Variants in BCL2A1 observed in about 807,000 individuals in gnomAD.
BCL2A1 encodes bcl-2-related protein A1.
BCL2A1 carries 10 observed loss-of-function variants against 14.4 expected under a neutral mutation model. That is an observed-to-expected ratio of 0.69 (90% CI 0.43 to 1.18). The LOEUF (loss-of-function observed/expected upper bound fraction) is 1.18. Among genes scored for constraint, BCL2A1 ranks in the 50% most tolerant of loss-of-function variants. The pLI, the probability that BCL2A1 is intolerant of heterozygous loss-of-function variation, is 0.00. For synonymous variants in BCL2A1, 71 were observed against 76.5 expected (o/e 0.93, Z 0.38); for missense variants, 158 against 205.0 (o/e 0.77, Z 1.40).
intron 1 of BCL2A1, among the ~76,000 whole-genome samples, chr15:79,970,496 G>A (rs961236228): frequency 6.6e-6 from 1 of 152,150 alleles, no homozygotes; most frequent in African/African-American, 2.4e-5. Flanking sequence ...GAAAACATAA[G>A]TGCTTTCCAA....
chr15:79,962,751 T>C (rs2035502982), intron 1 of BCL2A1, among the ~76,000 whole-genome samples: 1 of 152,082 alleles, frequency 6.6e-6, no homozygotes, highest in Non-Finnish European at 1.5e-5. Flanking sequence ...TTTCACTATG[T>C]TGGCCAGGCT....
chr15:79,962,903 A>G (rs1027482245), intron 1 of BCL2A1, among the ~76,000 whole-genome samples: 1 of 152,076 alleles, frequency 6.6e-6, no homozygotes, highest in Non-Finnish European at 1.5e-5. Flanking sequence ...GTCATAATGT[A>G]TCACCTTATA....
At chr15:79,965,839 A>G (rs2035536132) in intron 1 of BCL2A1, among the ~76,000 whole-genome samples, 1 of 152,086 alleles carries the variant, frequency 6.6e-6, no homozygotes, top group South Asian at 2.1e-4. Context: ...AGATCTTTAT[A>G]CCTTTTGGAA....
chr15:79,961,259 A>T, intron 1 of BCL2A1, 85 bp from the exon 2 acceptor site: 3 of 1,272,650 alleles, frequency 2.4e-6, no homozygotes, highest in Non-Finnish European at 3.3e-6. Context: ...TCATTTAAAT[A>T]GTGCAAATAG....
intron 1 of BCL2A1, among the ~76,000 whole-genome samples, chr15:79,964,933 G>C (rs1320553240): frequency 6.6e-6 from 1 of 152,170 alleles, no homozygotes; most frequent in Admixed American, 6.5e-5. Context: ...AGGGTGGAAT[G>C]TGCTTAGCTT....
At chr15:79,962,709 G>A (rs547080120) in intron 1 of BCL2A1, among the ~76,000 whole-genome samples, 7 of 151,506 alleles carry the variant, frequency 4.6e-5, no homozygotes, top group African/African-American at 7.3e-5. Flanking sequence ...CACCATGCCC[G>A]GCTAATTTTT....
chr15:79,969,207 C>A (rs1394035944), intron 1 of BCL2A1, among the ~76,000 whole-genome samples: 4 of 152,104 alleles, frequency 2.6e-5, no homozygotes, highest in Non-Finnish European at 4.4e-5. Flanking sequence ...TGAATTGCAG[C>A]AACCTACTGT....
intron 1 of BCL2A1, among the ~76,000 whole-genome samples, chr15:79,963,522 T>C (rs1396129584): frequency 6.6e-6 from 1 of 152,242 alleles, no homozygotes; most frequent in East Asian, 1.9e-4. Context: ...TTTTTAGACC[T>C]ATTAAATTGG....
chr15:79,965,961 A>G (rs1052379915), intron 1 of BCL2A1, among the ~76,000 whole-genome samples: 4 of 132,286 alleles, frequency 3.0e-5, no homozygotes, highest in African/African-American at 1.3e-4. Context: ...GATGACAAAG[A>G]AAAAAAAAAA....
At chr15:79,962,621 C>A (rs1353198561) in intron 1 of BCL2A1, among the ~76,000 whole-genome samples, 2 of 150,054 alleles carry the variant, frequency 1.3e-5, no homozygotes, top group Non-Finnish European at 3.0e-5. Flanking sequence ...GATCTCAGCT[C>A]ACTGCAGCCT....
intron 1 of BCL2A1, among the ~76,000 whole-genome samples, chr15:79,966,542 TAAG>T (rs1396442450): frequency 6.6e-6 from 1 of 152,156 alleles, no homozygotes; most frequent in African/African-American, 2.4e-5. Context: ...GGGGAGGAAG[TAAG>T]AAGACCCATC....
In BCL2A1 at chr15:79,965,252, C is replaced by T. The variant is rs568420283; in HGVS notation, c.421-4078G>A. On this transcript the variant is annotated intron_variant, in intron 1 of 1. Coordinates refer to ENST00000267953, the MANE Select transcript of BCL2A1 (RefSeq NM_004049.4). ...AAGCAATTCTCCTGCCTCAGCCTAC[C>T]AAGTAGCTGGGATTACAGGCATGCG... 5.9e-5 allele frequency among the ~76,000 whole-genome samples: 9 copies of T among 152,280 alleles called. No individual in the cohort carries two copies. The South Asian group carries it at 1.9e-3, about 32-fold the overall frequency.
Position 79,970,795 on chromosome 15 carries a change from C to G in BCL2A1, c.325G>C (p.Ala109Pro). The change falls in exon 1 of 2, where the codon GCC becomes CCC. Residue 109 changes from alanine (A) to proline (P), a missense_variant. By Grantham distance (27) the Ala-to-Pro change is conservative. Coordinates refer to ENST00000267953, the MANE Select transcript of BCL2A1 (RefSeq NM_004049.4). ...LIKKLLRQQI[A>P]PDVDTYKEIS... is the part of the protein sequence containing the mutation. The stretch of plus-strand genomic sequence containing the variant: ...TCCTTATAGGTATCCACATCCGGGG[C>G]AATTTGCTGTCGTAGAAGTTTCTTG... 6.2e-7 allele frequency: 1 copy of G among 1,614,194 alleles called. No individual in the cohort carries two copies. The highest frequency in any genetic ancestry group is 1.1e-5 in the South Asian group (1 of 91,086).
intron 1 of BCL2A1, chr15:79,967,591 T>C: frequency 1.3e-6 from 2 of 1,564,080 alleles, no homozygotes; most frequent in Non-Finnish European, 1.7e-6. Context: ...ATAGATTGTA[T>C]GTGCTCACAT....
At position 79,970,783 on chromosome 15, in the gene BCL2A1, C is replaced by T; in HGVS notation, c.337G>A (p.Asp113Asn). Residue 113 changes from aspartate to asparagine, a missense_variant, in exon 1 of 2, where the codon GAT becomes AAT. Transcript: ENST00000267953. Reference protein sequence around the residue: ...LLRQQIAPDVDTYKEISYFVA... With the variant: ...LLRQQIAPDVNTYKEISYFVA... ...AAATATGAAATCTCCTTATAGGTAT[C>T]CACATCCGGGGCAATTTGCTGTCGT... 1.1e-5 allele frequency: 17 copies of T among 1,614,200 alleles called. No individual in the cohort carries two copies. Among genetic ancestry groups the T allele is most frequent in the Non-Finnish European group, 1.4e-5 (17 of 1,180,020 alleles).
intron 1 of BCL2A1, among the ~76,000 whole-genome samples, chr15:79,969,318 T>TA (rs1178992897): frequency 2.0e-5 from 3 of 152,050 alleles, no homozygotes; most frequent in African/African-American, 7.2e-5. Context: ...CCTAACAAAT[T>TA]AAAAAATGTA....
chr15:79,966,396 A>G (rs2035541966), intron 1 of BCL2A1, among the ~76,000 whole-genome samples: 1 of 152,120 alleles, frequency 6.6e-6, no homozygotes, highest in South Asian at 2.1e-4. Flanking sequence ...CCCATCAGCA[A>G]ATATTGTTAC....
intron 1 of BCL2A1, among the ~76,000 whole-genome samples, chr15:79,969,276 T>C (rs1242541006): frequency 2.0e-5 from 3 of 152,318 alleles, no homozygotes; most frequent in Middle Eastern, 3.4e-3. Context: ...GATGGGAGTG[T>C]AACTTGGTAG....
intron 1 of BCL2A1, among the ~76,000 whole-genome samples, chr15:79,965,544 G>A (rs1022739519): frequency 1.3e-5 from 2 of 152,120 alleles, no homozygotes; most frequent in Non-Finnish European, 2.9e-5. Context: ...AGAGAGGAAG[G>A]CGGCCTAGAT....
Sources: gnomAD v4.1 joint callset for allele counts (sites outside exome capture counted in the v4.1 genomes callset) on GRCh38, gnomAD v4.1.1 for gene constraint, MANE v1.5 for transcripts, NCBI Gene and HGNC (gene_info 2026-07-23, HGNC 2026-07-21) for gene names.